Variants in DHX16 observed in about 807,000 individuals in gnomAD.
DHX16 encodes DEAH-box helicase 16, also known as pre-mRNA-splicing factor ATP-dependent RNA helicase DHX16.
In DHX16, 81 loss-of-function variants were observed where a neutral mutation model predicts 131.2. The observed-to-expected ratio is 0.62, with a 90% CI of 0.52 to 0.74. DHX16 has a LOEUF of 0.74. Among genes scored for constraint, DHX16 ranks in the 30% least tolerant of loss-of-function variants. DHX16 has a pLI of 0.00. For missense variants in DHX16, 980 were observed against 1,363.1 expected (o/e 0.72, Z 4.43); for synonymous variants, 440 against 520.2 (o/e 0.85, Z 2.10).
chr6:30,656,315 G>A lies in DHX16; in HGVS notation c.2431-50C>T, dbSNP rs566213593. On this transcript the variant is annotated intron_variant, in intron 15 of 19. Coordinates refer to ENST00000376442, the MANE Select transcript of DHX16 (RefSeq NM_003587.5). This position sits in a 1 kb window ranked among gnomAD's most constrained non-coding sequence, Gnocchi z 5.1. ...AGCCCAGTCCTCCCTCAGGTTTCCC[G>A]CTACTACTACAGGGGTCCCTGGAGC... The A allele has an allele frequency of 1.7e-5, 28 of 1,610,992 alleles. No individual in the cohort carries two copies. Among genetic ancestry groups the A allele is most frequent in the South Asian group, 8.8e-5 (8 of 91,002 alleles).
At position 30,670,848 on chromosome 6, in the gene DHX16, C is replaced by T; in HGVS notation, c.551G>A (p.Arg184Gln). Residue 184 changes from arginine (R) to glutamine (Q), a missense_variant, in exon 3 of 20, where the codon CGG becomes CAG. By Grantham distance (43) the Arg-to-Gln change is conservative (BLOSUM62 1). Around this residue, in one of 3 missense-constraint regions of DHX16, gnomAD observed 457 missense variants for 554.8 expected, o/e 0.82. Transcript: ENST00000376442. The surrounding 1 kb of genome is among the most constrained non-coding windows in gnomAD (Gnocchi z 4.4). ...CCGATCCTTGTCCCGCTGTCGAACC[C>T]GCTCAGCAAAGGCATCACGCTCCTC... is the stretch of plus-strand genomic sequence containing the variant. ...DLEERDAFAE[R>Q]VRQRDKDRTR... The T allele has an allele frequency of 6.2e-7, 1 of 1,613,082 alleles. No individual in the cohort carries two copies.
chr6:30,664,814 T>TA lies in DHX16; in HGVS notation c.1303dup (p.Tyr435LeufsTer4). On this transcript the variant is annotated frameshift_variant, in exon 7 of 20. Coordinates refer to ENST00000376442, the MANE Select transcript of DHX16 (RefSeq NM_003587.5). LOFTEE classifies it high-confidence loss of function. ...AGATGACTGTACCTCCTCAAAGAGA[T>TA]ACTGCGGGATCTGGGTGGTCTTCCC... is the stretch of plus-strand genomic sequence containing the variant. The TA allele has an allele frequency of 5.0e-6, 8 of 1,612,808 alleles. No homozygotes were observed. Among genetic ancestry groups the TA allele is most frequent in the African/African-American group, 1.3e-5 (1 of 75,036 alleles).
Position 30,672,994 on chromosome 6 carries a change from C to T in DHX16, c.-153G>A, listed in dbSNP as rs1450638450. 7.1e-6 allele frequency: 11 copies of T among 1,550,774 alleles called. No individual in the cohort carries two copies. The East Asian group carries it at 2.0e-4, about 28-fold the overall frequency. On this transcript the variant is annotated 5_prime_UTR_variant, in exon 1 of 20. Transcript: ENST00000376442. ...GGATCTTCCGACATCCCAAAGCTGT[C>T]TTCCCGTACCGCGGAGCCCGGAAGG...
chr6:30,672,828 G>A lies in DHX16; in HGVS notation c.14C>T (p.Ala5Val). 1.2e-6 allele frequency: 2 copies of A among 1,612,354 alleles called. No individual in the cohort carries two copies. Among genetic ancestry groups the A allele is most frequent in the Non-Finnish European group, 1.7e-6 (2 of 1,179,586 alleles). MATP[A>V]GLERWVQDEL... is the part of the protein sequence containing the mutation. ...GTCCTGAACCCAGCGCTCCAGACCC[G>A]CCGGCGTCGCCATGGCGACTCACGC... Residue 5 changes from alanine to valine, a missense_variant, in exon 1 of 20, where the codon GCG becomes GTG. Ala to Val is a moderately conservative substitution (Grantham distance 64). This residue lies in a region of DHX16 where 457 missense variants were observed against 554.8 expected (regional missense o/e 0.82). Transcript: ENST00000376442.
In DHX16 at chr6:30,664,902, C is replaced by G; in HGVS notation, c.1216G>C (p.Glu406Gln). Residue 406 changes from glutamate to glutamine, a missense_variant, in exon 7 of 20, where the codon GAG (glutamate) becomes CAG (glutamine). Glu to Gln is a conservative substitution (Grantham distance 29). This residue lies in a region of DHX16 where 457 missense variants were observed against 554.8 expected (regional missense o/e 0.82). Coordinates refer to ENST00000376442, the MANE Select transcript of DHX16 (RefSeq NM_003587.5). ...TTTGCAATAGCAGCCAGGAGCTCCT[C>G]TCGAAATGGGAACACCGGGAGGCTG... ...RRSLPVFPFR[E>Q]ELLAAIANHQ... 6.2e-7 allele frequency: 1 copy of G among 1,613,568 alleles called. No homozygotes were observed. The highest frequency in any genetic ancestry group is 8.5e-7 in the Non-Finnish European group (1 of 1,180,012).
At chr6:30,660,395 C>T (rs1768399495) in intron 9 of DHX16, 153 bp from the exon 10 acceptor site, 3 of 575,616 alleles carry the variant, frequency 5.2e-6, no homozygotes, top group Non-Finnish European at 8.3e-6. Context: ...AGCCATCCCA[C>T]TTATGTAGAG....
At position 30,667,155 on chromosome 6, in the gene DHX16, A is replaced by C. The variant is rs537493720; in HGVS notation, c.667-1422T>G. On this transcript the variant is annotated intron_variant, in intron 4 of 19. Transcript: ENST00000376442. ...TTACAGCAAACGCCTTACTCTAAAA[A>C]TTCGTATTTAAAAGGAAACAAACAT... is the stretch of plus-strand genomic sequence containing the variant. Among the ~76,000 whole-genome samples the C allele has an allele frequency of 6.6e-5, 10 of 152,348 alleles. No homozygotes were observed. In the East Asian group the frequency reaches 1.5e-3, roughly 23 times the overall value.
rs768994402 is a variant in DHX16, at chr6:30,654,824, C to T, written c.2879G>A (p.Arg960His). The change falls in exon 19 of 20, where the codon CGC becomes CAC. Residue 960 changes from arginine to histidine, a missense_variant. Physicochemically the swap from Arg to His is conservative, Grantham distance 29. Transcript: ENST00000376442. ...GACTGTCTGCTGCTGTTTCACTGTG[C>T]GGTAGCCACTCCGAGTCAACCGTGC... ...HTARLTRSGYRTVKQQQTVFI... is the reference protein window; with the variant it reads ...HTARLTRSGYHTVKQQQTVFI... 46 of 1,612,648 alleles carry T rather than the reference C, an allele frequency of 2.9e-5. No homozygotes were observed. The highest frequency in any genetic ancestry group is 3.9e-5 in the Non-Finnish European group (46 of 1,179,980).
At position 30,665,861 on chromosome 6, in the gene DHX16, C is replaced by G; in HGVS notation, c.667-128G>C. ...AACCTCAGGATGCACCCTCTACCTTCCCTCTGCAATGCACAACCAAAACAA... is the reference window on the plus strand; with the variant it reads ...AACCTCAGGATGCACCCTCTACCTTGCCTCTGCAATGCACAACCAAAACAA... On this transcript the variant is annotated intron_variant, in intron 4 of 19. Transcript: ENST00000376442. The surrounding 1 kb of genome is among the most constrained non-coding windows in gnomAD (Gnocchi z 4.8). 8.2e-7 allele frequency: 1 copy of G among 1,217,886 alleles called. No homozygotes were observed. The highest frequency in any genetic ancestry group is 1.1e-6 in the Non-Finnish European group (1 of 891,044). 75.4% of individuals were successfully genotyped at this position (1,217,886 alleles called of 1,614,324 possible). A position where few individuals can be genotyped will look rare whatever the true frequency, so the allele number is the denominator to read the frequency against.
rs1461138312 is a variant in DHX16, at chr6:30,670,139, T to C, written c.666+271A>G. On this transcript the variant is annotated intron_variant, in intron 4 of 19. Coordinates refer to ENST00000376442, the MANE Select transcript of DHX16 (RefSeq NM_003587.5). This position sits in a 1 kb window ranked among gnomAD's most constrained non-coding sequence, Gnocchi z 4.4. Reference sequence around the variant, plus strand: ...GGAATAGGGAAAGCTCACAATTTCATTCACTAATAGAGTATATTTGATCCT... The same window carrying C: ...GGAATAGGGAAAGCTCACAATTTCACTCACTAATAGAGTATATTTGATCCT... 6.6e-6 allele frequency among the ~76,000 whole-genome samples: 1 copy of C among 152,174 alleles called. No individual in the cohort carries two copies. The highest frequency in any genetic ancestry group is 1.5e-5 in the Non-Finnish European group (1 of 68,038).
In DHX16 at chr6:30,662,445, G is replaced by T. The variant is rs1228403290; in HGVS notation, c.1544+182C>A. Among the ~76,000 whole-genome samples the T allele has an allele frequency of 6.6e-6, 1 of 152,182 alleles. No homozygotes were observed. The highest frequency in any genetic ancestry group is 2.4e-5 in the African/African-American group (1 of 41,440). ...GTTTTCTAAACCCTGGAGATGAATGGGGAAAGAAGAGGCTTTCTCTACAAT... is the reference window on the plus strand; with the variant it reads ...GTTTTCTAAACCCTGGAGATGAATGTGGAAAGAAGAGGCTTTCTCTACAAT... On this transcript the variant is annotated intron_variant, in intron 9 of 19. Transcript: ENST00000376442. The surrounding 1 kb of genome is among the most constrained non-coding windows in gnomAD (Gnocchi z 4.7).
At position 30,665,392 on chromosome 6, in the gene DHX16, A is replaced by T; in HGVS notation, c.921+87T>A. The T allele has an allele frequency of 1.3e-6, 2 of 1,580,520 alleles. No individual in the cohort carries two copies. The highest frequency in any genetic ancestry group is 1.7e-6 in the Non-Finnish European group (2 of 1,162,014). Reference sequence around the variant, plus strand: ...TGGGAACGGCAAGGCAAGAAAGGGGATGACCCACGTGTTGCCCAATCCCCT... The same window carrying T: ...TGGGAACGGCAAGGCAAGAAAGGGGTTGACCCACGTGTTGCCCAATCCCCT... On this transcript the variant is annotated intron_variant, in intron 5 of 19. Coordinates refer to ENST00000376442, the MANE Select transcript of DHX16 (RefSeq NM_003587.5). The surrounding 1 kb of genome is among the most constrained non-coding windows in gnomAD (Gnocchi z 4.8).
rs1314473481 is a variant in DHX16, at chr6:30,672,659, G to C, written c.183C>G (p.Asp61Glu). The C allele has an allele frequency of 6.2e-7, 1 of 1,612,766 alleles. No individual in the cohort carries two copies. The highest frequency in any genetic ancestry group is 8.5e-7 in the Non-Finnish European group (1 of 1,179,768). Residue 61 changes from aspartate (D) to glutamate (E), a missense_variant, in exon 1 of 20, where the codon GAC (aspartate) becomes GAG (glutamate). Transcript: ENST00000376442. ...CCTTGTTCCAGAGTCTCAGGGCGAA[G>C]TCCCGGGCCGGCCCACTGAGATCCA... Reference protein sequence around the residue: ...DTLDLSGPARDFALRLWNKVP... With the variant: ...DTLDLSGPAREFALRLWNKVP...
chr6:30,655,594 G>C lies in DHX16; in HGVS notation c.2502C>G (p.Tyr834Ter). ...LSKMILASEKYSCSEEILTVA... is the reference protein window; with the variant it reads ...LSKMILASEK ...CTGTCAGGATCTCCTCTGAACAGCT[G>C]TACCTGGGACAGGAAGGGGAAAGCA... is the stretch of plus-strand genomic sequence containing the variant. The change falls in exon 17 of 20, where the codon TAC becomes TAG. Residue 834 changes from tyrosine to a stop codon, truncating the protein, a stop_gained. Coordinates refer to ENST00000376442, the MANE Select transcript of DHX16 (RefSeq NM_003587.5). LOFTEE classifies it high-confidence loss of function. 3 of 1,613,120 alleles carry C rather than the reference G, an allele frequency of 1.9e-6. No individual in the cohort carries two copies. Among genetic ancestry groups the C allele is most frequent in the Non-Finnish European group, 1.7e-6 (2 of 1,180,034 alleles).
At chr6:30,661,447 G>A (rs1768510723) in intron 9 of DHX16, among the ~76,000 whole-genome samples, 1 of 152,180 alleles carries the variant, frequency 6.6e-6, no homozygotes. Context: ...GGGCCAGCAA[G>A]GCTGACTGGG....
Position 30,670,594 on chromosome 6 carries a change from G to A in DHX16, c.610-128C>T. On this transcript the variant is annotated intron_variant, in intron 3 of 19. Transcript: ENST00000376442. The surrounding 1 kb of genome is among the most constrained non-coding windows in gnomAD (Gnocchi z 4.4). ...ACAAAAAATGTCCCCTCTCAGTGAG[G>A]AATCTCTCTGATTGCAGGTACAGCA... is the stretch of plus-strand genomic sequence containing the variant. 1 of 1,201,328 alleles carries A rather than the reference G, an allele frequency of 8.3e-7. No individual in the cohort carries two copies. The highest frequency in any genetic ancestry group is 1.2e-6 in the Non-Finnish European group (1 of 850,466). 74.4% of individuals were successfully genotyped at this position (1,201,328 alleles called of 1,614,324 possible). A position where few individuals can be genotyped will look rare whatever the true frequency, so the allele number is the denominator to read the frequency against.
intron 1 of DHX16, 24 bp downstream of exon 1, chr6:30,672,611 G>T: frequency 6.3e-7 from 1 of 1,590,270 alleles, no homozygotes. Flanking sequence ...AAATCACAGG[G>T]CCCCTCCCCA....
chr6:30,656,391 C>T lies in DHX16; in HGVS notation c.2430G>A (p.Thr810=), dbSNP rs760079094. 9 of 1,613,782 alleles carry T rather than the reference C, an allele frequency of 5.6e-6. No individual in the cohort carries two copies. The highest frequency in any genetic ancestry group is 1.6e-4 in the Middle Eastern group (1 of 6,082). ...GALNHLGELT[T]SGRKMAELPV... ...CCACCCATGCTGTCCCCCGACTCAC[C>T]GTGGTGAGCTCCCCAAGGTGGTTGA... is the stretch of plus-strand genomic sequence containing the variant. The change falls in exon 15 of 20, where the codon ACG becomes ACA. Residue 810 remains threonine (T), a splice_region_variant and synonymous_variant. Coordinates refer to ENST00000376442, the MANE Select transcript of DHX16 (RefSeq NM_003587.5). This position sits in a 1 kb window ranked among gnomAD's most constrained non-coding sequence, Gnocchi z 5.1.
chr6:30,661,906 G>A (rs1177799952), intron 9 of DHX16: 3 of 716,916 alleles, frequency 4.2e-6, no homozygotes, highest in Non-Finnish European at 7.8e-6. Context: ...AATCCTATCT[G>A]TCCAATTGCT....
Sources: allele counts gnomAD v4.1 joint callset (sites outside exome capture counted in the v4.1 genomes callset), GRCh38; gene constraint gnomAD v4.1.1; regional missense constraint gnomAD v4.1.1; non-coding constraint Gnocchi (gnomAD v3.1); transcripts MANE v1.5; gene names NCBI Gene and HGNC (gene_info 2026-07-23, HGNC 2026-07-21).